SOX5: variants seen among roughly 807,000 people sequenced by gnomAD.
The protein encoded by SOX5 is SRY-box transcription factor 5.
SOX5 carries 9 observed loss-of-function variants against 92.0 expected under a neutral mutation model. That is an observed-to-expected ratio of 0.10 (90% CI 0.06 to 0.17). The LOEUF is 0.17. Ranked by LOEUF, SOX5 falls within the 10% of genes least tolerant of loss-of-function variation. SOX5 has a pLI of 1.00. For synonymous variants in SOX5, 344 were observed against 336.3 expected (o/e 1.02, Z -0.25); for missense variants, 642 against 944.5 (o/e 0.68, Z 4.20).
chr12:23,542,153 T>A (rs7306586), intron 13 of SOX5, among the ~76,000 whole-genome samples: 112,197 of 152,172 alleles, frequency 0.74, 41,832 homozygotes, highest in East Asian at 0.96. Flanking sequence ...ATAGATGATC[T>A]GTAATGAATC....
chr12:23,790,489 A>G (rs940567692), intron 3 of SOX5, among the ~76,000 whole-genome samples: 11 of 150,646 alleles, frequency 7.3e-5, no homozygotes, highest in African/African-American at 2.7e-4. Flanking sequence ...CCCTTCTTGC[A>G]GCGCCTGCCC....
intron 4 of SOX5, among the ~76,000 whole-genome samples, chr12:24,212,851 A>G (rs79056618): frequency 1.5e-3 from 227 of 152,336 alleles, no homozygotes; most frequent in African/African-American, 5.4e-3. Context: ...TAGCGTTGGC[A>G]AACAGATTGA....
At chr12:24,524,509 G>GA (rs151328062) in intron 1 of SOX5, among the ~76,000 whole-genome samples, 12,746 of 150,080 alleles carry the variant, frequency 0.085, 627 homozygotes, top group South Asian at 0.14. Context: ...GTTTTCAATT[G>GA]AAAAAAAAAT....
intron 1 of SOX5, among the ~76,000 whole-genome samples, chr12:23,901,581 G>T (rs899852070): frequency 6.6e-6 from 1 of 152,100 alleles, no homozygotes; most frequent in Admixed American, 6.5e-5. Context: ...GCTTTCCTTG[G>T]TCATTTGTCC....
chr12:24,279,980 C>T (rs1944963919), intron 2 of SOX5, among the ~76,000 whole-genome samples: 2 of 152,118 alleles, frequency 1.3e-5, no homozygotes, highest in Non-Finnish European at 2.9e-5. Context: ...GTTAATCATG[C>T]TGCTCTTCCT....
At chr12:23,999,949 G>A (rs1478565402) in intron 4 of SOX5, among the ~76,000 whole-genome samples, 1 of 151,714 alleles carries the variant, frequency 6.6e-6, no homozygotes, top group African/African-American at 2.4e-5. Flanking sequence ...AATAAAGAAT[G>A]CTATAAAGAT....
chr12:24,094,433 A>T (rs1945065374), intron 4 of SOX5, among the ~76,000 whole-genome samples: 1 of 145,116 alleles, frequency 6.9e-6, no homozygotes. Context: ...GGCTTTTCCA[A>T]TACCTCTCCA....
intron 1 of SOX5, among the ~76,000 whole-genome samples, chr12:24,535,492 G>T (rs1951562538): frequency 6.6e-6 from 1 of 152,130 alleles, no homozygotes; most frequent in African/African-American, 2.4e-5. Context: ...GAGGGTAAAA[G>T]GTTAGAGAAG....
At chr12:24,009,927 T>A (rs895638494) in intron 4 of SOX5, among the ~76,000 whole-genome samples, 11 of 152,202 alleles carry the variant, frequency 7.2e-5, no homozygotes. Context: ...AGTAGAGATT[T>A]CTTGCTGGAA....
In SOX5 at chr12:24,549,444, T is replaced by C. The variant is rs192186771; in HGVS notation, c.-251+12885A>G. On this transcript the variant is annotated intron_variant, in intron 1 of 4. Transcript: ENST00000446891. The stretch of plus-strand genomic sequence containing the variant: ...ACAAAACAAAAAGAGAAAGCAAAAA[T>C]ACAGAGCAAAGTGGATTGGGAGCCA... Among the ~76,000 whole-genome samples the C allele has an allele frequency of 1.0e-3, 152 of 152,138 alleles. 1 individual carries two copies. Among genetic ancestry groups the C allele is most frequent in the Admixed American group, 6.2e-3 (94 of 15,276 alleles).
At chr12:24,192,306 T>C (rs1486524554) in intron 4 of SOX5, among the ~76,000 whole-genome samples, 1 of 152,216 alleles carries the variant, frequency 6.6e-6, no homozygotes, top group Non-Finnish European at 1.5e-5. Flanking sequence ...CTAAATTATT[T>C]TGAATTTCAT....
chr12:23,887,787 CT>C (rs531092634), intron 2 of SOX5, among the ~76,000 whole-genome samples: 2 of 151,890 alleles, frequency 1.3e-5, no homozygotes, highest in East Asian at 1.9e-4. Flanking sequence ...ATTTTTTTCC[CT>C]TTTTTTAACT....
At chr12:24,230,789 A>C (rs1594578728) in intron 3 of SOX5, among the ~76,000 whole-genome samples, 1 of 152,300 alleles carries the variant, frequency 6.6e-6, no homozygotes, top group East Asian at 1.9e-4. Context: ...ACAAAGCTCA[A>C]ATTTTGCAAT....
chr12:23,854,668 G>A (rs753225125), intron 2 of SOX5, among the ~76,000 whole-genome samples: 4 of 151,974 alleles, frequency 2.6e-5, no homozygotes, highest in Non-Finnish European at 4.4e-5. Flanking sequence ...CTAACTTGCA[G>A]GGCAGCATAA....
chr12:23,891,221 G>A (rs1336170902), intron 2 of SOX5, among the ~76,000 whole-genome samples: 3 of 152,082 alleles, frequency 2.0e-5, no homozygotes, highest in Non-Finnish European at 2.9e-5. Flanking sequence ...TTTGTAAGTC[G>A]CTCTTAGGCA....
At chr12:24,140,184 C>A (rs901565948) in intron 4 of SOX5, among the ~76,000 whole-genome samples, 1 of 151,844 alleles carries the variant, frequency 6.6e-6, no homozygotes, top group Non-Finnish European at 1.5e-5. Flanking sequence ...CAATGCTGAC[C>A]GGTTGGCATT....
At chr12:24,394,523 T>C (rs1318417013) in intron 1 of SOX5, among the ~76,000 whole-genome samples, 2 of 152,194 alleles carry the variant, frequency 1.3e-5, no homozygotes, top group African/African-American at 2.4e-5. Flanking sequence ...CTTTACCCTT[T>C]GAAGAGGTCT....
intron 3 of SOX5, among the ~76,000 whole-genome samples, chr12:23,827,676 T>C (rs11047120): frequency 0.19 from 29,430 of 152,180 alleles, 3,403 homozygotes; most frequent in East Asian, 0.54. Context: ...GATACAGTTC[T>C]CTACATATGA....
chr12:24,451,100 T>C (rs914748800), intron 1 of SOX5, among the ~76,000 whole-genome samples: 6 of 152,194 alleles, frequency 3.9e-5, no homozygotes, highest in African/African-American at 1.4e-4. Context: ...TCCAGTTCCA[T>C]CTATGTTGCT....
Sources: allele counts gnomAD v4.1 joint callset (sites outside exome capture counted in the v4.1 genomes callset), GRCh38; gene constraint gnomAD v4.1.1; transcripts MANE v1.5; gene names NCBI Gene and HGNC (gene_info 2026-07-23, HGNC 2026-07-21).